The following STXBP2 variants were observed in gnomAD, a reference collection of about 807,000 sequenced individuals.
The protein encoded by STXBP2 is syntaxin binding protein 2, also known as syntaxin-binding protein 2.
STXBP2 carries 47 observed loss-of-function variants against 72.2 expected under a neutral mutation model. The ratio of observed to expected loss-of-function variants is 0.65; its 90% CI spans 0.51 to 0.83. STXBP2 has a LOEUF of 0.83. Among genes scored for constraint, STXBP2 ranks in the 40% least tolerant of loss-of-function variants. STXBP2 has a pLI of 0.00. For missense variants in STXBP2, 702 were observed against 807.6 expected, an observed-to-expected ratio of 0.87 and a Z score of 1.58; for synonymous variants, 367 against 338.7, an observed-to-expected ratio of 1.08 and a Z score of -0.92.
At position 7,640,000 on chromosome 19, in the gene STXBP2, CTA is replaced by C. The variant is rs370232086; in HGVS notation, c.246+195_246+196del. ...TGTGTGTGCGTGTTTGCATGTGTGT[CTA>C]TGTATGTGTCTGTGTGCATGTGCAT... is the stretch of plus-strand genomic sequence containing the variant. On this transcript the variant is annotated intron_variant, in intron 4 of 18. Coordinates refer to ENST00000221283, the MANE Select transcript of STXBP2 (RefSeq NM_006949.4). 134 of 692,624 alleles carry C rather than the reference CTA, an allele frequency of 1.9e-4. No individual in the cohort carries two copies. In the African/African-American group the frequency reaches 2.0e-3, roughly 11 times the overall value. The allele number at this position is 692,624 out of a possible 1,614,324, so 42.9% of individuals were successfully genotyped here. A position where few individuals can be genotyped will look rare whatever the true frequency, so the allele number is the denominator to read the frequency against.
At chr19:7,640,576 A>G (rs778888577) in intron 4 of STXBP2, 155 bp from the exon 5 acceptor site, 4 of 891,798 alleles carry the variant, frequency 4.5e-6, no homozygotes, top group Non-Finnish European at 7.2e-6. Flanking sequence ...GCGTGTGCCC[A>G]TGTGGGTGCG....
chr19:7,631,002 A>G, the STXBP2 span: 1 of 985,180 alleles, frequency 1.0e-6, no homozygotes. Flanking sequence ...TGAGGTCAGG[A>G]GTTCAAAACC....
chr19:7,644,861 G>T, intron 14 of STXBP2, 109 bp downstream of exon 14: 4 of 1,559,008 alleles, frequency 2.6e-6, no homozygotes, highest in Non-Finnish European at 3.5e-6. Flanking sequence ...CACTCACCGG[G>T]CTCACCAACC....
chr19:7,645,814 A>T, intron 15 of STXBP2: 1 of 280,326 alleles, frequency 3.6e-6, no homozygotes, highest in South Asian at 5.5e-5. Context: ...CTCGCTGTGC[A>T]CTGTTTCTCC....
chr19:7,643,634 A>ACG (rs2031987162), intron 13 of STXBP2, among the ~76,000 whole-genome samples: 1 of 102,256 alleles, frequency 9.8e-6, no homozygotes, highest in African/African-American at 3.8e-5. Context: ...GGTGAGGGGC[A>ACG]GAGCCTTGGA....
intron 4 of STXBP2, chr19:7,640,012 C>G (rs1214989571): frequency 1.2e-5 from 8 of 666,116 alleles, no homozygotes; most frequent in Non-Finnish European, 2.1e-5. Flanking sequence ...ATGTATGTGT[C>G]TGTGTGCATG....
intron 13 of STXBP2, 117 bp from the exon 14 acceptor site, chr19:7,644,497 A>T (rs1351579219): frequency 7.1e-7 from 1 of 1,408,800 alleles, no homozygotes; most frequent in African/African-American, 1.4e-5. Flanking sequence ...TGGTGCTGAG[A>T]TGAGGTAGGA....
upstream of STXBP2, chr19:7,633,439 TCTC>T (rs976485849): frequency 3.7e-5 from 59 of 1,576,230 alleles, no homozygotes; most frequent in African/African-American, 1.1e-4. Flanking sequence ...TCCTCCGTCT[TCTC>T]CTCCTGATCC....
rs2031952982 is a variant in STXBP2 at position 7,642,892 on chromosome 19, A to G, written c.960+69A>G. On this transcript the variant is annotated intron_variant, in intron 11 of 18. Coordinates refer to ENST00000221283, the MANE Select transcript of STXBP2 (RefSeq NM_006949.4). This position sits in a 1 kb window ranked among gnomAD's most constrained non-coding sequence, Gnocchi z 6.0. ...CCCCCCTCCCCATGGGCGCAGGGCC[A>G]CAGCCTGGATTTCGAGCCTGGACTG... 2.5e-6 allele frequency: 4 copies of G among 1,613,060 alleles called. No individual in the cohort carries two copies. Among genetic ancestry groups the G allele is most frequent in the Admixed American group, 3.3e-5 (2 of 60,004 alleles).
Position 7,643,013 on chromosome 19 carries a change from A to G in STXBP2, c.991A>G (p.Lys331Glu). Residue 331 changes from lysine (K) to glutamate (E), a missense_variant, in exon 12 of 19, where the codon AAA (lysine) becomes GAA (glutamate). Physicochemically the swap from Lys to Glu is moderately conservative, Grantham distance 56. Coordinates refer to ENST00000221283, the MANE Select transcript of STXBP2 (RefSeq NM_006949.4). ...ANIKDLSQIL[K>E]KMPQYQKELN... The stretch of plus-strand genomic sequence containing the variant: ...CATCAAAGACCTATCCCAGATCCTG[A>G]AAAAGATGCCGCAGTACCAGAAGGA... 6.2e-7 allele frequency: 1 copy of G among 1,614,156 alleles called. No individual in the cohort carries two copies. Among genetic ancestry groups the G allele is most frequent in the Non-Finnish European group, 8.5e-7 (1 of 1,180,010 alleles).
chr19:7,630,764 C>G, the STXBP2 span: 1 of 1,536,798 alleles, frequency 6.5e-7, no homozygotes, highest in South Asian at 1.2e-5. Flanking sequence ...CCGACCCTGC[C>G]CTGATGTGGG....
chr19:7,637,086 C>T, upstream of STXBP2: 1 of 1,231,192 alleles, frequency 8.1e-7, no homozygotes. Context: ...ACGTGGGTGA[C>T]GCGCGGGGCC....
upstream of STXBP2, chr19:7,633,337 A>G: frequency 8.7e-7 from 1 of 1,155,618 alleles, no homozygotes; most frequent in Non-Finnish European, 1.2e-6. Context: ...GGTGCCCTAC[A>G]AACTAGTCTT....
the STXBP2 span, chr19:7,631,487 G>A: frequency 6.5e-7 from 1 of 1,536,524 alleles, no homozygotes. Flanking sequence ...AAGAGATAGA[G>A]GAATTCAAAG....
chr19:7,645,092 G>C (rs964045840), intron 14 of STXBP2, 105 bp from the exon 15 acceptor site: 12 of 1,474,194 alleles, frequency 8.1e-6, no homozygotes, highest in Non-Finnish European at 1.1e-5. Context: ...CCACTGCAAG[G>C]TTCTCTCATC....
chr19:7,631,171 T>A, the STXBP2 span: 6 of 1,184,850 alleles, frequency 5.1e-6, no homozygotes, highest in South Asian at 1.0e-4. Context: ...ATCACGCCAC[T>A]GCACTCCAGC....
chr19:7,641,349 G>T, intron 6 of STXBP2: 1 of 497,304 alleles, frequency 2.0e-6, no homozygotes, highest in Non-Finnish European at 3.7e-6. Flanking sequence ...CAGCCTGGGC[G>T]ACAGAGCGAG....
chr19:7,639,888 T>TTGCATGTG (rs747846345), intron 4 of STXBP2, 81 bp downstream of exon 4: 214 of 1,414,286 alleles, frequency 1.5e-4, no homozygotes, highest in Non-Finnish European at 7.4e-5. Flanking sequence ...ATGCATGTGA[T>TTGCATGTG]TGCATGTGTG....
intron 4 of STXBP2, chr19:7,640,515 T>C (rs1393188805): frequency 1.9e-5 from 13 of 695,818 alleles, no homozygotes; most frequent in Non-Finnish European, 3.4e-5. Context: ...TGTGTGTGCA[T>C]GTGTGCATGC....
Sources: allele counts gnomAD v4.1 joint callset (sites outside exome capture counted in the v4.1 genomes callset), GRCh38; gene constraint gnomAD v4.1.1; non-coding constraint Gnocchi (gnomAD v3.1); transcripts MANE v1.5; gene names NCBI Gene and HGNC (gene_info 2026-07-23, HGNC 2026-07-21).